SORBS2: variants seen among roughly 807,000 people sequenced by gnomAD.
The protein encoded by SORBS2 is sorbin and SH3 domain containing 2, also known as sorbin and SH3 domain-containing protein 2.
In SORBS2, 46 loss-of-function variants were observed where a neutral mutation model predicts 97.7. The ratio of observed to expected loss-of-function variants is 0.47; its 90% confidence interval spans 0.37 to 0.60. The LOEUF is 0.60. SORBS2 is among the 20% of genes least tolerant of loss of function. The pLI, the probability that SORBS2 is intolerant of heterozygous loss-of-function variation, is 0.00. For missense variants in SORBS2, 1,316 were observed against 1,282.3 expected, an observed-to-expected ratio of 1.03 and a Z score of -0.40; for synonymous variants, 476 against 473.4, an observed-to-expected ratio of 1.01 and a Z score of -0.07.
intron 2 of SORBS2, chr4:185,771,042 G>A (rs2098967729): frequency 7.1e-6 from 1 of 141,702 alleles, no homozygotes; most frequent in African/African-American, 2.6e-5. Flanking sequence ...GTGCAATGGT[G>A]GGATCTTGGC....
At chr4:185,811,845 A>G (rs1002895082) in intron 1 of SORBS2, 6 of 152,534 alleles carry the variant, frequency 3.9e-5, no homozygotes, top group African/African-American at 1.4e-4. Flanking sequence ...TGCCGCTCAT[A>G]TGCCACAGCC....
intron 1 of SORBS2, among the ~76,000 whole-genome samples, chr4:185,883,458 G>A (rs186829722): frequency 7.0e-4 from 107 of 152,308 alleles, no homozygotes; most frequent in African/African-American, 2.5e-3. Flanking sequence ...GCCACTTTGG[G>A]AAACAATTTG....
At position 185,606,083 on chromosome 4, in the gene SORBS2, T is replaced by C; in HGVS notation, c.2796+5697A>G. On this transcript the variant is annotated intron_variant, in intron 12 of 14. Transcript: ENST00000418609. The surrounding 1 kb of genome is among the most constrained non-coding windows in gnomAD (Gnocchi z 4.3). Reference sequence around the variant, plus strand: ...TCTTTTCTGTTGTCTTTGTTTATTATTAGCATTATTATTTTTGCAAAGTGC... The same window carrying C: ...TCTTTTCTGTTGTCTTTGTTTATTACTAGCATTATTATTTTTGCAAAGTGC... 1.0e-6 allele frequency: 1 copy of C among 985,248 alleles called. No homozygotes were observed. Among genetic ancestry groups the C allele is most frequent in the African/African-American group, 1.7e-5 (1 of 57,354 alleles). The allele number at this position is 985,248 out of a possible 1,614,324, so 61.0% of individuals were successfully genotyped here.
At chr4:185,637,938 C>T (rs906442823) in intron 4 of SORBS2, 141 bp downstream of exon 15, 4 of 611,974 alleles carry the variant, frequency 6.5e-6, no homozygotes, top group Non-Finnish European at 1.2e-5. Flanking sequence ...TGAATCTGGA[C>T]TACGCTGTAC....
intron 1 of SORBS2, among the ~76,000 whole-genome samples, chr4:185,889,560 G>C (rs1482338207): frequency 6.6e-6 from 1 of 151,876 alleles, no homozygotes; most frequent in South Asian, 2.1e-4. Context: ...TCTCTGCTTC[G>C]ATTCAAAATG....
intron 1 of SORBS2, among the ~76,000 whole-genome samples, chr4:185,884,821 G>A (rs1309041743): frequency 1.3e-5 from 2 of 152,158 alleles, no homozygotes; most frequent in African/African-American, 2.4e-5. Context: ...GATAGTTCTC[G>A]TATTGTATTG....
chr4:185,924,757 T>C (rs555534728), intron 1 of SORBS2, among the ~76,000 whole-genome samples: 2 of 152,246 alleles, frequency 1.3e-5, no homozygotes, highest in Non-Finnish European at 2.9e-5. Flanking sequence ...GCAGCCACTT[T>C]GCTGCCGCAC....
At chr4:185,649,241 C>T (rs930577338) in intron 3 of SORBS2, among the ~76,000 whole-genome samples, 4 of 152,006 alleles carry the variant, frequency 2.6e-5, no homozygotes, top group Non-Finnish European at 5.9e-5. Context: ...AAAATGTGTC[C>T]ATATTACTTC....
At chr4:185,945,479 T>G (rs1218376818) in intron 1 of SORBS2, among the ~76,000 whole-genome samples, 1 of 152,242 alleles carries the variant, frequency 6.6e-6, no homozygotes, top group Non-Finnish European at 1.5e-5. Context: ...TGATGATGAT[T>G]CAAATCCCAA....
intron 1 of SORBS2, among the ~76,000 whole-genome samples, chr4:185,939,219 A>G (rs1181349646): frequency 2.0e-5 from 3 of 152,180 alleles, no homozygotes; most frequent in Non-Finnish European, 4.4e-5. Context: ...ATTTTATTGA[A>G]CTGTCCATCC....
chr4:185,692,940 C>T (rs1201045692), intron 2 of SORBS2, among the ~76,000 whole-genome samples: 1 of 152,082 alleles, frequency 6.6e-6, no homozygotes, highest in East Asian at 1.9e-4. Flanking sequence ...GTTTTTAGAG[C>T]TCTACGCTGA....
chr4:185,620,097 G>A (rs1180744927), exon 8 of SORBS2: 1 of 1,611,934 alleles, frequency 6.2e-7, no homozygotes, highest in Non-Finnish European at 8.5e-7. Context: ...TTCCCTTGGT[G>A]CACTTCTCCC....
chr4:185,788,227 G>A (rs2099065231), intron 1 of SORBS2, among the ~76,000 whole-genome samples: 1 of 152,206 alleles, frequency 6.6e-6, no homozygotes, highest in Non-Finnish European at 1.5e-5. Context: ...GAAGTGTCAG[G>A]TGGTAGCATC....
At chr4:185,673,411 T>C (rs1361123497) in intron 4 of SORBS2, among the ~76,000 whole-genome samples, 3 of 152,208 alleles carry the variant, frequency 2.0e-5, no homozygotes, top group African/African-American at 7.2e-5. Context: ...GGACACGCTA[T>C]CTTGGAACAA....
intron 12 of SORBS2, among the ~76,000 whole-genome samples, chr4:185,597,351 G>A (rs2096129720): frequency 6.6e-6 from 1 of 152,034 alleles, no homozygotes; most frequent in South Asian, 2.1e-4. Context: ...GTGTAAAGGT[G>A]TCCGTCATCA....
chr4:185,719,128 A>G (rs577692866), intron 2 of SORBS2, among the ~76,000 whole-genome samples: 13 of 152,366 alleles, frequency 8.5e-5, no homozygotes, highest in African/African-American at 2.9e-4. Flanking sequence ...GGTATGTGAT[A>G]GCATCGTTAA....
intron 1 of SORBS2, among the ~76,000 whole-genome samples, chr4:185,859,808 T>C (rs1446562447): frequency 6.6e-6 from 1 of 152,102 alleles, no homozygotes; most frequent in Non-Finnish European, 1.5e-5. Context: ...AACTTGGAGC[T>C]ACAGGGAATG....
intron 4 of SORBS2, among the ~76,000 whole-genome samples, chr4:185,633,283 A>G (rs2096936950): frequency 6.6e-6 from 1 of 152,204 alleles, no homozygotes; most frequent in Non-Finnish European, 1.5e-5. Flanking sequence ...GAAATGTTTA[A>G]TAACAAAAGG....
At position 185,820,652 on chromosome 4, in the gene SORBS2, C is replaced by T. The variant is rs117228998; in HGVS notation, c.-337-45286G>A. On this transcript the variant is annotated intron_variant, in intron 1 of 20. Transcript: ENST00000284776. Reference sequence around the variant, plus strand: ...AGGCCTACGGAGGCCTTGCAGACAGCGTCTCAGCCGACACACAGGGCCCTT... The same window carrying T: ...AGGCCTACGGAGGCCTTGCAGACAGTGTCTCAGCCGACACACAGGGCCCTT... 3.0e-3 allele frequency among the ~76,000 whole-genome samples: 452 copies of T among 152,292 alleles called. 11 individuals are homozygous for T. In the East Asian group the frequency reaches 0.079, roughly 27 times the overall value.
Sources: allele counts gnomAD v4.1 joint callset (sites outside exome capture counted in the v4.1 genomes callset), GRCh38; gene constraint gnomAD v4.1.1; non-coding constraint Gnocchi (gnomAD v3.1); transcripts MANE v1.5; gene names NCBI Gene and HGNC (gene_info 2026-07-23, HGNC 2026-07-21).